The following ABCD3 variants were observed in gnomAD, a reference collection of about 807,000 sequenced individuals.
ABCD3 encodes ATP binding cassette subfamily D member 3.
Under a neutral mutation model 105.5 loss-of-function variants are expected in ABCD3, and 41 were observed. The ratio of observed to expected loss-of-function variants is 0.39; its 90% CI spans 0.30 to 0.50. The LOEUF is 0.50. Among genes scored for constraint, ABCD3 ranks in the 20% least tolerant of loss-of-function variants. ABCD3 has a pLI of 0.84. For missense variants in ABCD3, 622 were observed against 806.3 expected (o/e 0.77, Z 2.77); for synonymous variants, 258 against 269.0 (o/e 0.96, Z 0.40).
chr1:94,489,659 G>A (rs953764307), intron 13 of ABCD3, 66 bp from the exon 14 acceptor site: 1 of 1,126,342 alleles, frequency 8.9e-7, no homozygotes, highest in Non-Finnish European at 1.3e-6. Context: ...ACTTCAGTTT[G>A]TATAAAATAA....
intron 1 of ABCD3, chr1:94,432,629 A>G (rs902202376): frequency 1.3e-5 from 2 of 152,222 alleles, no homozygotes; most frequent in Admixed American, 1.3e-4. Context: ...GAGAGTCCTT[A>G]AGTTCGAATT....
At chr1:94,471,945 A>C (rs909086383) in intron 4 of ABCD3, among the ~76,000 whole-genome samples, 8 of 152,118 alleles carry the variant, frequency 5.3e-5, no homozygotes, top group Non-Finnish European at 1.0e-4. Flanking sequence ...TAGGAAAGAC[A>C]CCCTCTTTAA....
chr1:94,474,552 T>A (rs1234348172), intron 5 of ABCD3, among the ~76,000 whole-genome samples: 2 of 152,152 alleles, frequency 1.3e-5, no homozygotes, highest in African/African-American at 4.8e-5. Flanking sequence ...TGGGGCTACA[T>A]AGCTTTTAGA....
chr1:94,483,580 G>A (rs1183933811), intron 10 of ABCD3, among the ~76,000 whole-genome samples: 2 of 152,084 alleles, frequency 1.3e-5, no homozygotes, highest in African/African-American at 4.8e-5. Flanking sequence ...TGGGAAAACT[G>A]GCTAGCCATA....
At chr1:94,477,435 C>T (rs1373036786) in intron 7 of ABCD3, among the ~76,000 whole-genome samples, 2 of 151,780 alleles carry the variant, frequency 1.3e-5, no homozygotes, top group Non-Finnish European at 2.9e-5. Context: ...CAAGACTATC[C>T]TGGGCAACAT....
chr1:94,391,609 A>G, the ABCD3 span, among the ~76,000 whole-genome samples: 2 of 19,848 alleles, frequency 1.0e-4, no homozygotes, highest in African/African-American at 4.8e-4. Context: ...AAAGTGCTCA[A>G]ATAATGAGTG....
At position 94,418,440 on chromosome 1, in the gene ABCD3, G is replaced by GCCGCCGCCC. The variant is rs1557655007; in HGVS notation, c.-35_-34insCGCCCCCGC. 6.5e-7 allele frequency: 1 copy of GCCGCCGCCC among 1,549,484 alleles called. No individual in the cohort carries two copies. The highest frequency in any genetic ancestry group is 1.8e-5 in the Admixed American group (1 of 55,746). On this transcript the variant is annotated 5_prime_UTR_variant, in exon 1 of 23. Transcript: ENST00000370214. Reference sequence around the variant, plus strand: ...TAAGGTAGCCGCCGCCGCCGCCGCCGCCGCGTCCCCTCGCCGGCTCGCTGG... The same window carrying GCCGCCGCCC: ...TAAGGTAGCCGCCGCCGCCGCCGCCGCCGCCGCCCCCGCGTCCCCTCGCCGGCTCGCTGG...
chr1:94,494,603 ACT>A (rs1381682151), intron 16 of ABCD3, among the ~76,000 whole-genome samples: 1 of 152,216 alleles, frequency 6.6e-6, no homozygotes, highest in East Asian at 1.9e-4. Context: ...AATAAAACAG[ACT>A]TGGCCCCTCA....
intron 21 of ABCD3, among the ~76,000 whole-genome samples, chr1:94,508,410 T>G (rs1570838166): frequency 6.6e-6 from 1 of 152,280 alleles, no homozygotes; most frequent in Non-Finnish European, 1.5e-5. Context: ...TAGTATGGTT[T>G]GAAGTCAGGT....
At chr1:94,397,828 C>T in the ABCD3 span, among the ~76,000 whole-genome samples, 7 of 152,136 alleles carry the variant, frequency 4.6e-5, no homozygotes, top group Non-Finnish European at 1.0e-4. Context: ...ATCACCACAG[C>T]ATTTAATATA....
chr1:94,407,949 A>T, the ABCD3 span, among the ~76,000 whole-genome samples: 1 of 152,260 alleles, frequency 6.6e-6, no homozygotes. Flanking sequence ...CGATTCATTT[A>T]TATTATTGTC....
At chr1:94,418,633 C>A (rs1211639378) in intron 1 of ABCD3, 45 bp downstream of exon 1, 1 of 1,536,172 alleles carries the variant, frequency 6.5e-7, no homozygotes, top group African/African-American at 1.4e-5. Flanking sequence ...CTGGAGCGGG[C>A]GCTCCCCGCG....
At chr1:94,469,973 C>T (rs926816755) in intron 4 of ABCD3, among the ~76,000 whole-genome samples, 4 of 151,946 alleles carry the variant, frequency 2.6e-5, no homozygotes, top group Admixed American at 6.6e-5. Context: ...CATTTTAGGC[C>T]CACTGAGTAG....
intron 21 of ABCD3, 176 bp from the exon 22 acceptor site, chr1:94,514,970 G>T (rs1650854389): frequency 1.4e-5 from 8 of 589,820 alleles, no homozygotes; most frequent in Non-Finnish European, 2.4e-5. Context: ...TGTGGTTGAT[G>T]GCCAGTACTT....
At chr1:94,501,265 GAAAA>G (rs4148065) in intron 20 of ABCD3, among the ~76,000 whole-genome samples, 1 of 61,938 alleles carries the variant, frequency 1.6e-5, no homozygotes, top group Non-Finnish European at 3.6e-5. Flanking sequence ...TGTCTCAAAA[GAAAA>G]AAAAAAAAAA....
In ABCD3 at chr1:94,482,046, A is replaced by G. The variant is rs1472591534; in HGVS notation, c.828-1124A>G. The G allele has an allele frequency of 2.0e-5, 3 of 152,258 alleles. No homozygotes were observed. In the East Asian group the frequency reaches 5.8e-4, roughly 29 times the overall value. 9.4% of individuals were successfully genotyped at this position (152,258 alleles called of 1,614,324 possible). ...TCCTTTCAGATTTTTCATTAAGGCT[A>G]AAATGACTCAGTTCAGGAGGAGAAT... On this transcript the variant is annotated intron_variant, in intron 9 of 22. Transcript: ENST00000370214.
At chr1:94,420,177 T>C (rs1659204755) in intron 1 of ABCD3, among the ~76,000 whole-genome samples, 1 of 152,088 alleles carries the variant, frequency 6.6e-6, no homozygotes, top group Admixed American at 6.6e-5. Flanking sequence ...CTTGAAGAAT[T>C]TTTACAAGTA....
intron 20 of ABCD3, 106 bp from the exon 21 acceptor site, chr1:94,506,432 C>A: frequency 1.4e-6 from 1 of 692,668 alleles, no homozygotes; most frequent in Non-Finnish European, 2.6e-6. Context: ...AATTTTTATA[C>A]TTTTGATTTA....
chr1:94,392,011 C>A, the ABCD3 span, among the ~76,000 whole-genome samples: 35 of 152,226 alleles, frequency 2.3e-4, no homozygotes, highest in Middle Eastern at 3.4e-3. Context: ...CCTTTCGTTA[C>A]TTGAGCATGG....
Sources: gnomAD v4.1 joint callset for allele counts (sites outside exome capture counted in the v4.1 genomes callset) on GRCh38, gnomAD v4.1.1 for gene constraint, MANE v1.5 for transcripts, NCBI Gene and HGNC (gene_info 2026-07-23, HGNC 2026-07-21) for gene names.